Variants in MFSD6 observed in about 807,000 individuals in gnomAD.
MFSD6 encodes major facilitator superfamily domain containing 6, also known as major facilitator superfamily domain-containing protein 6.
Under a neutral mutation model 56.3 loss-of-function variants are expected in MFSD6, and 26 were observed. The ratio of observed to expected loss-of-function variants is 0.46; its 90% CI spans 0.34 to 0.64. The LOEUF (loss-of-function observed/expected upper bound fraction) is 0.64, where lower values mean the gene tolerates loss of function less well. MFSD6 is among the 30% of genes least tolerant of loss of function. The probability of loss-of-function intolerance (pLI) is 0.01; values close to 1 mark genes in which losing one functional copy is unlikely to be tolerated. For missense variants in MFSD6, 750 were observed against 986.2 expected (o/e 0.76, Z 3.21); for synonymous variants, 331 against 366.9 (o/e 0.90, Z 1.12).
At chr2:190,479,544 A>T (rs577862118) in intron 4 of MFSD6, among the ~76,000 whole-genome samples, 139 of 152,344 alleles carry the variant, frequency 9.1e-4, no homozygotes, top group African/African-American at 3.2e-3. Flanking sequence ...ATTTTGATCA[A>T]GAATATAAAT....
Position 190,433,555 on chromosome 2 carries a change from A to G in MFSD6, c.-53-2422A>G, listed in dbSNP as rs1185734452. On this transcript the variant is annotated intron_variant, in intron 2 of 7. Coordinates refer to ENST00000392328, the MANE Select transcript of MFSD6 (RefSeq NM_017694.4). The surrounding 1 kb of genome is among the most constrained non-coding windows in gnomAD (Gnocchi z 4.5). ...TGGTGGCCATATACATTGTGAATAT[A>G]GTAAATTACCGCTGAATTGTTCACT... Among the ~76,000 whole-genome samples the G allele has an allele frequency of 1.3e-5, 2 of 152,234 alleles. No individual in the cohort carries two copies. The highest frequency in any genetic ancestry group is 1.3e-4 in the Admixed American group (2 of 15,282).
At chr2:190,422,996 A>G (rs1227904954) in intron 2 of MFSD6, among the ~76,000 whole-genome samples, 12 of 152,198 alleles carry the variant, frequency 7.9e-5, no homozygotes, top group Admixed American at 7.9e-4. Flanking sequence ...AAAATACATT[A>G]TCAGCACCCC....
chr2:190,490,964 T>C lies in MFSD6; in HGVS notation c.1891+1098T>C, dbSNP rs762168604. Among the ~76,000 whole-genome samples the C allele has an allele frequency of 4.3e-4, 65 of 152,232 alleles. No homozygotes were observed. The highest frequency in any genetic ancestry group is 1.5e-4 in the Non-Finnish European group (10 of 68,038). ...CTTTTATAATCCTAAATGGATTCTC[T>C]CTCTTACACAGCCTCAGTCCATGCC... On this transcript the variant is annotated intron_variant, in intron 6 of 7. Coordinates refer to ENST00000392328, the MANE Select transcript of MFSD6 (RefSeq NM_017694.4). This position sits in a 1 kb window ranked among gnomAD's most constrained non-coding sequence, Gnocchi z 4.5.
rs2028432 is a variant in MFSD6 at position 190,418,752 on chromosome 2, A to G, written c.-54+3339A>G. 1 allele frequency among the ~76,000 whole-genome samples: 151,658 copies of G among 152,328 alleles called. 75,499 individuals carry two copies. The highest frequency in any genetic ancestry group is 1 in the Middle Eastern group (294 of 294). On this transcript the variant is annotated intron_variant, in intron 2 of 7. Coordinates refer to ENST00000392328, the MANE Select transcript of MFSD6 (RefSeq NM_017694.4). The surrounding 1 kb of genome is among the most constrained non-coding windows in gnomAD (Gnocchi z 4.1). ...AGCCTGGGTGGCAGAAGGAGCCCCTATCTAAAAAAACAAAACAAAACAAAA... is the reference window on the plus strand; with the variant it reads ...AGCCTGGGTGGCAGAAGGAGCCCCTGTCTAAAAAAACAAAACAAAACAAAA...
chr2:190,408,926 C>G (rs533313982), intron 1 of MFSD6, among the ~76,000 whole-genome samples: 50 of 152,318 alleles, frequency 3.3e-4, no homozygotes, highest in African/African-American at 1.2e-3. Context: ...CTCCTCCGCC[C>G]GGGCCGACCC....
chr2:190,422,311 T>TTGTCATTCCTGGGATCTCCAGTTC (rs1685646572), intron 2 of MFSD6, among the ~76,000 whole-genome samples: 2 of 152,286 alleles, frequency 1.3e-5, no homozygotes, highest in South Asian at 4.2e-4. Flanking sequence ...CCCTTCAAAG[T>TTGTCATTCCTGGGATCTCCAGTTC]TGTCATTCCT....
chr2:190,418,479 G>A lies in MFSD6; in HGVS notation c.-54+3066G>A, dbSNP rs527512313. On this transcript the variant is annotated intron_variant, in intron 2 of 7. Transcript: ENST00000392328. This position sits in a 1 kb window ranked among gnomAD's most constrained non-coding sequence, Gnocchi z 4.1. ...CCCACCAAGAATGACAAGGTGGTTGGGCACAGTGGCCCACACCTGTAATTC... is the reference window on the plus strand; with the variant it reads ...CCCACCAAGAATGACAAGGTGGTTGAGCACAGTGGCCCACACCTGTAATTC... 6.6e-6 allele frequency among the ~76,000 whole-genome samples: 1 copy of A among 152,080 alleles called. No homozygotes were observed. The highest frequency in any genetic ancestry group is 2.4e-5 in the African/African-American group (1 of 41,476).
rs754518538 is a variant in MFSD6, at chr2:190,436,560, T to G, written c.531T>G (p.Thr177=). ...CCACCAATGCAAGTCACCAGTTAACTATCCTGCCAACAAATTCTTCCTTTA... is the reference window on the plus strand; with the variant it reads ...CCACCAATGCAAGTCACCAGTTAACGATCCTGCCAACAAATTCTTCCTTTA... ...THPTNASHQL[T]ILPTNSSFTS... is the part of the protein sequence containing the mutation. Residue 177 remains threonine, a synonymous_variant, in exon 3 of 8, where the codon ACT becomes ACG. Transcript: ENST00000392328. This position sits in a 1 kb window ranked among gnomAD's most constrained non-coding sequence, Gnocchi z 5.3. 6.2e-7 allele frequency: 1 copy of G among 1,614,244 alleles called. No individual in the cohort carries two copies. The highest frequency in any genetic ancestry group is 8.5e-7 in the Non-Finnish European group (1 of 1,180,046).
In MFSD6 at chr2:190,411,189, C is replaced by G. The variant is rs572360665; in HGVS notation, c.-176+2686C>G. On this transcript the variant is annotated intron_variant, in intron 1 of 7. Coordinates refer to ENST00000392328, the MANE Select transcript of MFSD6 (RefSeq NM_017694.4). Reference sequence around the variant, plus strand: ...TTTTTTTTTTTTTTTCAGACAGAGTCTCGCTCTGTCACCAGGCTGGAGTGC... The same window carrying G: ...TTTTTTTTTTTTTTTCAGACAGAGTGTCGCTCTGTCACCAGGCTGGAGTGC... 1.1e-4 allele frequency: 97 copies of G among 904,592 alleles called. No individual in the cohort carries two copies. In the East Asian group the frequency reaches 0.01, roughly 96 times the overall value. The allele number at this position is 904,592 out of a possible 1,614,324, so 56.0% of individuals were successfully genotyped here.
rs1232510694 is a variant in MFSD6, at chr2:190,463,914, G to A, written c.1533-5844G>A. On this transcript the variant is annotated intron_variant, in intron 3 of 7. Transcript: ENST00000392328. The surrounding 1 kb of genome is among the most constrained non-coding windows in gnomAD (Gnocchi z 4.4). Reference sequence around the variant, plus strand: ...ATATACTGTCTACCATACAGAAAACGTAATCCAGTTTATATATGAGGCAGA... The same window carrying A: ...ATATACTGTCTACCATACAGAAAACATAATCCAGTTTATATATGAGGCAGA... The A allele has an allele frequency of 6.1e-6, 6 of 983,608 alleles. No homozygotes were observed. Among genetic ancestry groups the A allele is most frequent in the Middle Eastern group, 5.2e-4 (1 of 1,936 alleles). The allele number at this position is 983,608 out of a possible 1,614,324, so 60.9% of individuals were successfully genotyped here.
At position 190,443,599 on chromosome 2, in the gene MFSD6, C is replaced by T. The variant is rs1020960546; in HGVS notation, c.1532+6038C>T. On this transcript the variant is annotated intron_variant, in intron 3 of 7. Coordinates refer to ENST00000392328, the MANE Select transcript of MFSD6 (RefSeq NM_017694.4). This position sits in a 1 kb window ranked among gnomAD's most constrained non-coding sequence, Gnocchi z 4.2. ...TGTTTATGATTTTCAAAATAACTAACATTCCCCCTTAAACATCTTAGTCAA... is the reference window on the plus strand; with the variant it reads ...TGTTTATGATTTTCAAAATAACTAATATTCCCCCTTAAACATCTTAGTCAA... Among the ~76,000 whole-genome samples the T allele has an allele frequency of 1.3e-5, 2 of 152,194 alleles. No homozygotes were observed. The highest frequency in any genetic ancestry group is 6.5e-5 in the Admixed American group (1 of 15,286).
chr2:190,430,904 CAGA>C (rs1685965134), intron 2 of MFSD6, among the ~76,000 whole-genome samples: 1 of 149,754 alleles, frequency 6.7e-6, no homozygotes. Flanking sequence ...CCTCACTTCC[CAGA>C]TGGGGTGGCT....
rs1686473784 is a variant in MFSD6 at position 190,443,825 on chromosome 2, C to A, written c.1532+6264C>A. Among the ~76,000 whole-genome samples the A allele has an allele frequency of 6.6e-6, 1 of 152,126 alleles. No homozygotes were observed. Among genetic ancestry groups the A allele is most frequent in the Non-Finnish European group, 1.5e-5 (1 of 68,022 alleles). On this transcript the variant is annotated intron_variant, in intron 3 of 7. Transcript: ENST00000392328. The surrounding 1 kb of genome is among the most constrained non-coding windows in gnomAD (Gnocchi z 4.2). ...ATCCCAGCACTTTGGGAGGCTGAGG[C>A]AGGAGGATGTCTTGAGCCCAGGAGT... is the stretch of plus-strand genomic sequence containing the variant.
rs58276775 is a variant in MFSD6, at chr2:190,490,562, CA to C, written c.1891+706del. Among the ~76,000 whole-genome samples the C allele has an allele frequency of 6.2e-5, 9 of 144,160 alleles. No homozygotes were observed. Among genetic ancestry groups the C allele is most frequent in the Middle Eastern group, 3.5e-3 (1 of 288 alleles). The allele number at this position is 144,160 out of a possible 152,430, so 94.6% of individuals were successfully genotyped here. A position where few individuals can be genotyped will look rare whatever the true frequency, so the allele number is the denominator to read the frequency against. On this transcript the variant is annotated intron_variant, in intron 6 of 7. Transcript: ENST00000392328. The surrounding 1 kb of genome is among the most constrained non-coding windows in gnomAD (Gnocchi z 4.5). ...TGGGGGAACGAGCAAGACTCCCTCT[CA>C]AAAAAAAAACAAAAAACAAAGACAA...
intron 1 of MFSD6, chr2:190,411,221 T>G (rs1690552507): frequency 1.3e-6 from 1 of 742,488 alleles, no homozygotes; most frequent in Non-Finnish European, 1.6e-6. Context: ...GTGCAGTGGC[T>G]CGATCTCGGC....
In MFSD6 at chr2:190,451,163, A is replaced by C. The variant is rs1686763073; in HGVS notation, c.1532+13602A>C. Among the ~76,000 whole-genome samples, 1 of 152,176 alleles carries C rather than the reference A, an allele frequency of 6.6e-6. No individual in the cohort carries two copies. The highest frequency in any genetic ancestry group is 2.4e-5 in the African/African-American group (1 of 41,436). ...CTATAAAAAGTGTATGTGTGTGTAT[A>C]TGTACATGTGTGCATTTGATCTAGA... On this transcript the variant is annotated intron_variant, in intron 3 of 7. Transcript: ENST00000392328. This position sits in a 1 kb window ranked among gnomAD's most constrained non-coding sequence, Gnocchi z 5.0.
rs1417032935 is a variant in MFSD6, at chr2:190,489,702, T to C, written c.1793-66T>C. ...TTTGCTTTGATCTTTAGAAAACTGA[T>C]GGTTTTAGATGAGCGCTATCTGCAT... On this transcript the variant is annotated intron_variant, in intron 5 of 7. Coordinates refer to ENST00000392328, the MANE Select transcript of MFSD6 (RefSeq NM_017694.4). This position sits in a 1 kb window ranked among gnomAD's most constrained non-coding sequence, Gnocchi z 6.6. The C allele has an allele frequency of 1.4e-6, 2 of 1,415,592 alleles. No homozygotes were observed. Among genetic ancestry groups the C allele is most frequent in the African/African-American group, 2.9e-5 (2 of 69,750 alleles). 87.7% of individuals were successfully genotyped at this position (1,415,592 alleles called of 1,614,324 possible). A position where few individuals can be genotyped will look rare whatever the true frequency, so the allele number is the denominator to read the frequency against.
chr2:190,469,972 G>A lies in MFSD6; in HGVS notation c.1630+117G>A, dbSNP rs1223980192. 1.5e-6 allele frequency: 1 copy of A among 673,730 alleles called. No homozygotes were observed. The highest frequency in any genetic ancestry group is 1.8e-5 in the African/African-American group (1 of 55,910). 41.7% of individuals were successfully genotyped at this position (673,730 alleles called of 1,614,324 possible). ...GAAGGGCAGGCCTACTGTTTCATGT[G>A]ATTTTGAAGTGGTTGTTAAGGAAGA... On this transcript the variant is annotated intron_variant, in intron 4 of 7. Coordinates refer to ENST00000392328, the MANE Select transcript of MFSD6 (RefSeq NM_017694.4). The surrounding 1 kb of genome is among the most constrained non-coding windows in gnomAD (Gnocchi z 5.3).
chr2:190,453,960 A>G (rs1308061008), intron 3 of MFSD6: 2 of 152,224 alleles, frequency 1.3e-5, no homozygotes, highest in African/African-American at 4.8e-5. Context: ...GGTAACTGGA[A>G]TATATTTCAC....
Sources: gnomAD v4.1 joint callset for allele counts (sites outside exome capture counted in the v4.1 genomes callset) on GRCh38, gnomAD v4.1.1 for gene constraint, Gnocchi (gnomAD v3.1) non-coding constraint, MANE v1.5 for transcripts, NCBI Gene and HGNC (gene_info 2026-07-23, HGNC 2026-07-21) for gene names.